The following SLC35G2 variants were observed in gnomAD, a reference collection of about 807,000 sequenced individuals.
The protein encoded by SLC35G2 is transmembrane protein 22.
In SLC35G2, 20 loss-of-function variants were observed where a neutral mutation model predicts 27.2. That is an observed-to-expected ratio of 0.74 (90% confidence interval 0.52 to 1.07). The LOEUF is 1.07. Ranked by LOEUF, SLC35G2 falls within the 50% of genes least tolerant of loss-of-function variation. The probability of loss-of-function intolerance (pLI) is 0.00; values close to 1 mark genes in which losing one functional copy is unlikely to be tolerated. For missense variants in SLC35G2, 416 were observed against 493.3 expected, an observed-to-expected ratio of 0.84 and a Z score of 1.48; for synonymous variants, 148 against 165.3, an observed-to-expected ratio of 0.90 and a Z score of 0.80.
intron 1 of SLC35G2, among the ~76,000 whole-genome samples, chr3:136,822,916 G>T (rs1255492698): frequency 6.6e-6 from 1 of 152,148 alleles, no homozygotes; most frequent in East Asian, 1.9e-4. Context: ...CTTTCTTTTG[G>T]TTATGTACCC....
intron 1 of SLC35G2, among the ~76,000 whole-genome samples, chr3:136,844,218 G>A (rs1032814079): frequency 8.6e-5 from 13 of 151,654 alleles, no homozygotes; most frequent in African/African-American, 2.2e-4. Flanking sequence ...AGCCAGGCGC[G>A]GTGGCTCACA....
intron 1 of SLC35G2, among the ~76,000 whole-genome samples, chr3:136,852,602 C>A (rs1393669711): frequency 6.6e-6 from 1 of 151,242 alleles, no homozygotes; most frequent in East Asian, 2.0e-4. Flanking sequence ...AAGCAGTTCT[C>A]CTACCTCAGC....
intron 1 of SLC35G2, chr3:136,843,197 C>T (rs1033096986): frequency 1.1e-4 from 16 of 151,454 alleles, no homozygotes; most frequent in African/African-American, 3.9e-4. Context: ...GTGGTGGCCG[C>T]CTGTAGTCCC....
intron 1 of SLC35G2, among the ~76,000 whole-genome samples, chr3:136,840,847 T>C (rs1349996187): frequency 6.6e-6 from 1 of 151,642 alleles, no homozygotes; most frequent in East Asian, 1.9e-4. Context: ...GGTCTCGAAC[T>C]CCTGACCTCA....
chr3:136,824,177 T>C (rs1299657365), intron 1 of SLC35G2, among the ~76,000 whole-genome samples: 1 of 152,222 alleles, frequency 6.6e-6, no homozygotes, highest in Non-Finnish European at 1.5e-5. Flanking sequence ...TTTGTTCTTT[T>C]TGTTCAGGAT....
At chr3:136,838,612 C>G (rs1333336120) in intron 1 of SLC35G2, 1 of 152,114 alleles carries the variant, frequency 6.6e-6, no homozygotes. Flanking sequence ...AAATTTTGAA[C>G]TGATTCATTT....
At chr3:136,825,148 TGA>T (rs1936553551) in intron 1 of SLC35G2, among the ~76,000 whole-genome samples, 3 of 152,286 alleles carry the variant, frequency 2.0e-5, no homozygotes, top group Admixed American at 6.5e-5. Context: ...ATAACAGTGG[TGA>T]AAGTGGCCAT....
Position 136,855,645 on chromosome 3 carries a change from G to A in SLC35G2, c.1185G>A (p.Trp395Ter). Residue 395 changes from tryptophan (W) to a stop codon, truncating the protein, a stop_gained, in exon 2 of 2, where the codon TGG (tryptophan) becomes TGA (stop). Coordinates refer to ENST00000446465, the MANE Select transcript of SLC35G2 (RefSeq NM_025246.3). LOFTEE classifies it high-confidence loss of function. ...VFVLAGYKLY[W>*]RNLRKQDYQE... is the part of the protein sequence containing the mutation. The stretch of plus-strand genomic sequence containing the variant: ...TCCTTGCTGGCTATAAACTTTACTG[G>A]AGGAATTTAAGAAAGCAGGACTACC... 1 of 1,613,036 alleles carries A rather than the reference G, an allele frequency of 6.2e-7. No individual in the cohort carries two copies. Among genetic ancestry groups the A allele is most frequent in the Non-Finnish European group, 8.5e-7 (1 of 1,179,142 alleles).
chr3:136,831,488 A>G (rs181415235), intron 1 of SLC35G2, among the ~76,000 whole-genome samples: 1 of 152,290 alleles, frequency 6.6e-6, no homozygotes, highest in Admixed American at 6.5e-5. Flanking sequence ...TTATCAGGGG[A>G]TACTGGTACA....
At chr3:136,840,508 C>T (rs928390773) in intron 1 of SLC35G2, among the ~76,000 whole-genome samples, 8 of 150,510 alleles carry the variant, frequency 5.3e-5, no homozygotes, top group Non-Finnish European at 7.4e-5. Flanking sequence ...TTCCTCCCCT[C>T]CCTCCCTTCC....
At chr3:136,852,227 AG>A (rs1315854783) in intron 1 of SLC35G2, among the ~76,000 whole-genome samples, 2 of 16,188 alleles carry the variant, frequency 1.2e-4, no homozygotes, top group African/African-American at 1.6e-4. Flanking sequence ...GTGTGCAGGA[AG>A]AAGGACTGCA....
chr3:136,832,956 C>G (rs1576891998), intron 1 of SLC35G2, among the ~76,000 whole-genome samples: 1 of 151,766 alleles, frequency 6.6e-6, no homozygotes, highest in South Asian at 2.1e-4. Context: ...GTAGTCCCAG[C>G]TACTTGGGAG....
At chr3:136,823,228 CA>C (rs1368514877) in intron 1 of SLC35G2, among the ~76,000 whole-genome samples, 1 of 152,188 alleles carries the variant, frequency 6.6e-6, no homozygotes, top group African/African-American at 2.4e-5. Context: ...AATGTCTATT[CA>C]GATCTTTTGC....
At chr3:136,853,436 T>C (rs1335604672) in intron 1 of SLC35G2, among the ~76,000 whole-genome samples, 1 of 152,136 alleles carries the variant, frequency 6.6e-6, no homozygotes, top group Non-Finnish European at 1.5e-5. Flanking sequence ...AGTATTCCAT[T>C]GTATGAACAT....
intron 1 of SLC35G2, among the ~76,000 whole-genome samples, chr3:136,835,027 A>G (rs1426342466): frequency 6.6e-6 from 1 of 152,230 alleles, no homozygotes; most frequent in Non-Finnish European, 1.5e-5. Flanking sequence ...TTTTCCTTTA[A>G]GACAAGGACC....
chr3:136,844,880 ATC>A (rs1030910563), intron 1 of SLC35G2, among the ~76,000 whole-genome samples: 1 of 150,848 alleles, frequency 6.6e-6, no homozygotes, highest in Non-Finnish European at 1.5e-5. Flanking sequence ...CAAAATTGTT[ATC>A]TGTTTATTTT....
chr3:136,844,661 A>C (rs965410745), intron 1 of SLC35G2, among the ~76,000 whole-genome samples: 2 of 150,282 alleles, frequency 1.3e-5, no homozygotes, highest in Non-Finnish European at 3.0e-5. Context: ...TTAGCTGGGC[A>C]TGGTGGCTAA....
chr3:136,837,739 T>G (rs1030907689), intron 1 of SLC35G2: 6 of 152,194 alleles, frequency 3.9e-5, no homozygotes, highest in African/African-American at 1.4e-4. Flanking sequence ...CTTATATACT[T>G]TGCTGGTGAT....
intron 1 of SLC35G2, among the ~76,000 whole-genome samples, chr3:136,844,405 C>G (rs1442757766): frequency 6.6e-6 from 1 of 151,246 alleles, no homozygotes; most frequent in Non-Finnish European, 1.5e-5. Context: ...AGGAGAATTG[C>G]TTGAACCTGG....
Sources: gnomAD v4.1 joint callset for allele counts (sites outside exome capture counted in the v4.1 genomes callset) on GRCh38, gnomAD v4.1.1 for gene constraint, MANE v1.5 for transcripts, NCBI Gene and HGNC (gene_info 2026-07-23, HGNC 2026-07-21) for gene names.